SMURF2: variants seen among roughly 807,000 people sequenced by gnomAD.
The protein encoded by SMURF2 is SMAD specific E3 ubiquitin protein ligase 2.
In SMURF2, 48 loss-of-function variants were observed where a neutral mutation model predicts 109.6. The observed-to-expected ratio is 0.44, with a 90% confidence interval of 0.35 to 0.56. The LOEUF is 0.56. Ranked by LOEUF, SMURF2 falls within the 20% of genes least tolerant of loss-of-function variation. SMURF2 has a pLI of 0.01. For synonymous variants in SMURF2, 288 were observed against 317.1 expected, an observed-to-expected ratio of 0.91 and a Z score of 0.97; for missense variants, 575 against 909.0, an observed-to-expected ratio of 0.63 and a Z score of 4.72.
At chr17:64,578,703 C>A in intron 8 of SMURF2, 127 bp from the exon 9 acceptor site, 2 of 610,988 alleles carry the variant, frequency 3.3e-6, no homozygotes, top group Admixed American at 3.3e-5. Context: ...TATTTATTAT[C>A]AAAAAAGGGC....
At chr17:64,614,918 G>A (rs1242420464) in intron 1 of SMURF2, among the ~76,000 whole-genome samples, 2 of 152,138 alleles carry the variant, frequency 1.3e-5, no homozygotes, top group African/African-American at 4.8e-5. Flanking sequence ...TAAACTTTAT[G>A]GAAATCTTAT....
chr17:64,662,212 G>C lies in SMURF2; in HGVS notation c.-332C>G, dbSNP rs1970793986. ...CCTCTCGTCTCGGCGAGGCCCAGTA[G>C]CCGACGGGGCTGGTCGGCTGAAGCG... is the stretch of plus-strand genomic sequence containing the variant. On this transcript the variant is annotated 5_prime_UTR_variant, in exon 1 of 19. Transcript: ENST00000262435. The C allele has an allele frequency of 9.7e-7, 1 of 1,035,638 alleles. No homozygotes were observed. The highest frequency in any genetic ancestry group is 1.2e-6 in the Non-Finnish European group (1 of 863,368). 64.2% of individuals were successfully genotyped at this position (1,035,638 alleles called of 1,614,324 possible). A position where few individuals can be genotyped will look rare whatever the true frequency, so the allele number is the denominator to read the frequency against.
In SMURF2 at chr17:64,555,992, A is replaced by C. The variant is rs1218893944; in HGVS notation, c.1438T>G (p.Leu480Val). ...CGTCCAACAAAGTGGAAATAGGATAAATGTTCCTGAAATTGAAAACAGTAT... is the reference window on the plus strand; with the variant it reads ...CGTCCAACAAAGTGGAAATAGGATACATGTTCCTGAAATTGAAAACAGTAT... The part of the protein sequence containing the change: ...NPDSAVNPEH[L>V]SYFHFVGRIM... The change falls in exon 14 of 19, where the codon TTA becomes GTA. Residue 480 changes from leucine to valine, a missense_variant. Leu to Val is a conservative substitution (Grantham distance 32, BLOSUM62 1). Coordinates refer to ENST00000262435, the MANE Select transcript of SMURF2 (RefSeq NM_022739.4). 2 of 1,608,646 alleles carry C rather than the reference A, an allele frequency of 1.2e-6. No individual in the cohort carries two copies. Among genetic ancestry groups the C allele is most frequent in the African/African-American group, 1.3e-5 (1 of 74,764 alleles).
intron 1 of SMURF2, among the ~76,000 whole-genome samples, chr17:64,642,043 G>A (rs999162555): frequency 2.6e-5 from 4 of 152,200 alleles, no homozygotes; most frequent in Non-Finnish European, 5.9e-5. Flanking sequence ...CTGAGCTCAG[G>A]CAATCTGCCC....
At chr17:64,628,589 G>A (rs184025824) in intron 1 of SMURF2, among the ~76,000 whole-genome samples, 5 of 152,154 alleles carry the variant, frequency 3.3e-5, no homozygotes, top group Non-Finnish European at 5.9e-5. Context: ...CAATTTCAAC[G>A]AGGGCTTACA....
chr17:64,610,641 GA>G (rs1970031208), intron 1 of SMURF2, among the ~76,000 whole-genome samples: 1 of 152,152 alleles, frequency 6.6e-6, no homozygotes, highest in Admixed American at 6.6e-5. Context: ...AGCATTAGGA[GA>G]AATACCTAAT....
At chr17:64,577,593 A>T (rs1555686173) in intron 9 of SMURF2, among the ~76,000 whole-genome samples, 3 of 150,906 alleles carry the variant, frequency 2.0e-5, no homozygotes, top group African/African-American at 7.4e-5. Context: ...CACTAAAAAA[A>T]AAAAAAGAGA....
intron 1 of SMURF2, among the ~76,000 whole-genome samples, chr17:64,651,252 T>C (rs1163617257): frequency 4.0e-5 from 6 of 151,354 alleles, no homozygotes; most frequent in African/African-American, 1.5e-4. Context: ...AAATTAAGTT[T>C]CTTCCTTTCT....
At chr17:64,552,905 T>C (rs1482957663) in intron 15 of SMURF2, among the ~76,000 whole-genome samples, 1 of 152,130 alleles carries the variant, frequency 6.6e-6, no homozygotes, top group Admixed American at 6.5e-5. Flanking sequence ...GGTTTCACAA[T>C]GTTGGCTAGG....
chr17:64,616,279 A>T (rs1386373705), intron 1 of SMURF2, among the ~76,000 whole-genome samples: 2 of 152,174 alleles, frequency 1.3e-5, no homozygotes, highest in Non-Finnish European at 2.9e-5. Context: ...CCTGTGAAAT[A>T]AGTAGTAGTA....
chr17:64,553,609 T>C (rs1555683806), intron 15 of SMURF2, among the ~76,000 whole-genome samples: 1 of 152,250 alleles, frequency 6.6e-6, no homozygotes, highest in Non-Finnish European at 1.5e-5. Context: ...GCTTATGCAC[T>C]TTTAAATATC....
At chr17:64,613,586 T>C (rs1350499244) in intron 1 of SMURF2, among the ~76,000 whole-genome samples, 1 of 151,812 alleles carries the variant, frequency 6.6e-6, no homozygotes, top group African/African-American at 2.4e-5. Context: ...ACAAAGGCTA[T>C]GGGGTACAGA....
At position 64,627,937 on chromosome 17, in the gene SMURF2, C is replaced by T. The variant is rs76925863; in HGVS notation, c.53-21297G>A. Reference sequence around the variant, plus strand: ...ACTTTGTGCTGGATTAGGCTTCCTGCTTGGCAATAAAGTTTTTTCACTCAG... The same window carrying T: ...ACTTTGTGCTGGATTAGGCTTCCTGTTTGGCAATAAAGTTTTTTCACTCAG... On this transcript the variant is annotated intron_variant, in intron 1 of 18. Coordinates refer to ENST00000262435, the MANE Select transcript of SMURF2 (RefSeq NM_022739.4). 6.2e-3 allele frequency among the ~76,000 whole-genome samples: 946 copies of T among 152,276 alleles called. 10 individuals carry two copies. Among genetic ancestry groups the T allele is most frequent in the Non-Finnish European group, 0.01 (693 of 68,014 alleles).
chr17:64,618,645 T>C (rs1031815506), intron 1 of SMURF2, among the ~76,000 whole-genome samples: 1 of 152,190 alleles, frequency 6.6e-6, no homozygotes, highest in Non-Finnish European at 1.5e-5. Flanking sequence ...GTTCAAGAGA[T>C]GAATATTGTA....
chr17:64,624,484 C>T (rs1483137737), intron 1 of SMURF2, among the ~76,000 whole-genome samples: 3 of 148,066 alleles, frequency 2.0e-5, no homozygotes, highest in African/African-American at 5.0e-5. Flanking sequence ...CAGGCGCACG[C>T]CACCATGCCA....
chr17:64,568,055 C>T (rs988434021), intron 10 of SMURF2, among the ~76,000 whole-genome samples: 1 of 151,918 alleles, frequency 6.6e-6, no homozygotes, highest in Non-Finnish European at 1.5e-5. Flanking sequence ...GGGGTTTCAC[C>T]GTATTAGCCA....
At chr17:64,549,145 C>T (rs782646756) in intron 16 of SMURF2, among the ~76,000 whole-genome samples, 12 of 149,876 alleles carry the variant, frequency 8.0e-5, no homozygotes, top group Non-Finnish European at 1.6e-4. Context: ...GGTAGCCGGG[C>T]GTGGTGGCGG....
intron 1 of SMURF2, 111 bp from the exon 2 acceptor site, chr17:64,606,751 C>A: frequency 1.4e-6 from 1 of 738,910 alleles, no homozygotes; most frequent in South Asian, 1.9e-5. Flanking sequence ...CTAACTATAG[C>A]AAGGTATGAA....
chr17:64,560,414 T>G (rs1235994742), intron 12 of SMURF2, among the ~76,000 whole-genome samples: 5 of 152,040 alleles, frequency 3.3e-5, no homozygotes, highest in African/African-American at 7.2e-5. Flanking sequence ...AAATCCACAC[T>G]AAAGAAACTA....
Sources: allele counts gnomAD v4.1 joint callset (sites outside exome capture counted in the v4.1 genomes callset), GRCh38; gene constraint gnomAD v4.1.1; transcripts MANE v1.5; gene names NCBI Gene and HGNC (gene_info 2026-07-23, HGNC 2026-07-21).